Variants in TTC29 observed in about 807,000 individuals in gnomAD.
TTC29 encodes the protein tetratricopeptide repeat domain 29.
Under a neutral mutation model 58.1 loss-of-function variants are expected in TTC29, and 49 were observed. That is an observed-to-expected ratio of 0.84 (90% confidence interval 0.67 to 1.07). The LOEUF is 1.07. TTC29 is among the 50% of genes least tolerant of loss of function. TTC29 has a pLI of 0.00. For synonymous variants in TTC29, 209 were observed against 196.8 expected (o/e 1.06, Z -0.52); for missense variants, 582 against 555.6 (o/e 1.05, Z -0.48).
At chr4:146,767,471 A>G (rs761748706) in intron 11 of TTC29, among the ~76,000 whole-genome samples, 81 of 151,990 alleles carry the variant, frequency 5.3e-4, no homozygotes, top group Non-Finnish European at 9.7e-4. Context: ...TAGCTAACTA[A>G]TAATTCCCCT....
chr4:146,852,730 C>A (rs2150185567), intron 8 of TTC29, among the ~76,000 whole-genome samples: 1 of 152,220 alleles, frequency 6.6e-6, no homozygotes, highest in South Asian at 2.1e-4. Context: ...TCTACCTGAC[C>A]AAAAAGAAAC....
intron 11 of TTC29, among the ~76,000 whole-genome samples, chr4:146,727,635 C>A (rs1743893141): frequency 6.6e-6 from 1 of 152,100 alleles, no homozygotes; most frequent in Non-Finnish European, 1.5e-5. Context: ...TAGTAATATG[C>A]ATTTAAGATT....
chr4:146,832,834 T>G (rs1375848328), intron 9 of TTC29, among the ~76,000 whole-genome samples: 1 of 152,186 alleles, frequency 6.6e-6, no homozygotes, highest in Non-Finnish European at 1.5e-5. Context: ...ATTTATCCAG[T>G]GATGACTGCG....
chr4:146,904,145 T>C (rs1479522203), intron 5 of TTC29, among the ~76,000 whole-genome samples: 4 of 152,094 alleles, frequency 2.6e-5, no homozygotes, highest in African/African-American at 7.2e-5. Context: ...TTCTCAGCCA[T>C]AGCAAAAGAT....
chr4:146,724,225 G>A (rs966857304), intron 11 of TTC29, among the ~76,000 whole-genome samples: 1 of 152,106 alleles, frequency 6.6e-6, no homozygotes, highest in Non-Finnish European at 1.5e-5. Context: ...GCTACTAAAC[G>A]GGGAGGCAGA....
chr4:146,909,578 C>CAA (rs36032666), intron 4 of TTC29, among the ~76,000 whole-genome samples: 7 of 151,630 alleles, frequency 4.6e-5, no homozygotes, highest in Admixed American at 6.6e-5. Context: ...AGCCTCCCAC[C>CAA]AAAAAAAACC....
intron 11 of TTC29, among the ~76,000 whole-genome samples, chr4:146,773,530 C>A (rs1033884773): frequency 2.6e-5 from 4 of 152,104 alleles, no homozygotes; most frequent in Non-Finnish European, 5.9e-5. Context: ...TATTCATCTG[C>A]ATGTGTTGAA....
intron 11 of TTC29, among the ~76,000 whole-genome samples, chr4:146,736,468 T>A (rs924645588): frequency 6.6e-6 from 1 of 152,042 alleles, no homozygotes; most frequent in African/African-American, 2.4e-5. Flanking sequence ...GGCATGTAAA[T>A]CTGCCTTTCA....
At chr4:146,936,809 A>G (rs959910000) in intron 4 of TTC29, among the ~76,000 whole-genome samples, 1 of 152,098 alleles carries the variant, frequency 6.6e-6, no homozygotes, top group African/African-American at 2.4e-5. Flanking sequence ...CATTAGACAA[A>G]TTAATAGAGA....
intron 11 of TTC29, among the ~76,000 whole-genome samples, chr4:146,716,722 GC>G (rs1305651301): frequency 6.6e-6 from 1 of 152,094 alleles, no homozygotes; most frequent in Non-Finnish European, 1.5e-5. Context: ...TATCTGGTCA[GC>G]AGCAAAGTAG....
intron 6 of TTC29, among the ~76,000 whole-genome samples, chr4:146,875,598 C>T (rs989126260): frequency 6.6e-6 from 1 of 152,124 alleles, no homozygotes; most frequent in Non-Finnish European, 1.5e-5. Context: ...GATCCTTCCA[C>T]CTCAGCCTCC....
At chr4:146,846,112 C>T (rs981039328) in intron 8 of TTC29, among the ~76,000 whole-genome samples, 2 of 150,670 alleles carry the variant, frequency 1.3e-5, no homozygotes, top group Non-Finnish European at 3.0e-5. Flanking sequence ...CTACCGCATT[C>T]AATAAGAGAA....
chr4:146,827,570 C>A (rs1047549286), intron 9 of TTC29, among the ~76,000 whole-genome samples: 1 of 152,124 alleles, frequency 6.6e-6, no homozygotes, highest in South Asian at 2.1e-4. Context: ...GAAAGATGTA[C>A]GTTTGAATCT....
intron 11 of TTC29, among the ~76,000 whole-genome samples, chr4:146,779,408 A>T (rs769759813): frequency 2.6e-5 from 4 of 152,166 alleles, no homozygotes; most frequent in Non-Finnish European, 5.9e-5. Flanking sequence ...ATATATTTTT[A>T]AAGTAATTTT....
Position 146,938,585 on chromosome 4 carries a change from A to C in TTC29, c.93-908T>G, listed in dbSNP as rs183162483. 7.6e-4 allele frequency among the ~76,000 whole-genome samples: 115 copies of C among 152,300 alleles called. 1 individual carries two copies. The highest frequency in any genetic ancestry group is 1.2e-3 in the Non-Finnish European group (79 of 68,012). On this transcript the variant is annotated intron_variant, in intron 3 of 12. Coordinates refer to ENST00000325106, the MANE Select transcript of TTC29 (RefSeq NM_031956.4). ...AAGTAAAACAAAAATATGTATGTAT[A>C]TATATTATAGTGTACACACATGAAT...
intron 11 of TTC29, among the ~76,000 whole-genome samples, chr4:146,778,538 G>A (rs1327673065): frequency 6.6e-6 from 1 of 152,056 alleles, no homozygotes; most frequent in Admixed American, 6.5e-5. Context: ...TTTCATATGT[G>A]CTTGAAAATA....
At chr4:146,726,898 T>A (rs7668083) in intron 11 of TTC29, among the ~76,000 whole-genome samples, 2 of 151,976 alleles carry the variant, frequency 1.3e-5, no homozygotes, top group East Asian at 1.9e-4. Context: ...AATTAAAAAA[T>A]TTTTGCATAG....
At chr4:146,766,413 A>G (rs886307360) in intron 11 of TTC29, among the ~76,000 whole-genome samples, 2 of 152,104 alleles carry the variant, frequency 1.3e-5, no homozygotes, top group Admixed American at 1.3e-4. Context: ...ACTCTCAAAT[A>G]TAACTTTTAT....
chr4:146,826,140 G>C (rs144550051), intron 9 of TTC29, among the ~76,000 whole-genome samples: 9,341 of 152,138 alleles, frequency 0.061, 396 homozygotes, highest in Admixed American at 0.13. Context: ...GTGTGAATTT[G>C]ATCCTGTCAT....
Sources: allele counts gnomAD v4.1 joint callset (sites outside exome capture counted in the v4.1 genomes callset), GRCh38; gene constraint gnomAD v4.1.1; transcripts MANE v1.5; gene names NCBI Gene and HGNC (gene_info 2026-07-23, HGNC 2026-07-21).